The following PAX3 variants were observed in gnomAD, a reference collection of about 807,000 sequenced individuals.
PAX3 encodes the protein paired box protein Pax-3.
In PAX3, 14 loss-of-function variants were observed where a neutral mutation model predicts 51.6. The observed-to-expected ratio is 0.27, with a 90% CI of 0.18 to 0.42. PAX3 has a LOEUF of 0.42. Ranked by LOEUF, PAX3 falls within the 10% of genes least tolerant of loss-of-function variation. PAX3 has a pLI of 1.00. For synonymous variants in PAX3, 280 were observed against 253.4 expected, an observed-to-expected ratio of 1.11 and a Z score of -1.00; for missense variants, 540 against 642.8, an observed-to-expected ratio of 0.84 and a Z score of 1.73.
At chr2:222,273,145 C>T (rs1202300265) in intron 4 of PAX3, among the ~76,000 whole-genome samples, 2 of 152,188 alleles carry the variant, frequency 1.3e-5, no homozygotes, top group Admixed American at 6.5e-5. Flanking sequence ...TTACACCTTT[C>T]TTTCCTTTCT....
chr2:222,249,449 C>T (rs1165573712), intron 4 of PAX3, among the ~76,000 whole-genome samples: 1 of 152,182 alleles, frequency 6.6e-6, no homozygotes, highest in Non-Finnish European at 1.5e-5. Flanking sequence ...CTTCAACTTC[C>T]AGAGTCCTAC....
Position 222,201,206 on chromosome 2 carries a change from T to C in PAX3, c.*202A>G, listed in dbSNP as rs1204832604. The stretch of plus-strand genomic sequence containing the variant: ...TCCAGGTCTTCCTCTTCTCCACTGC[T>C]TTTGTCGAACGTGTTCAAAAGGATT... On this transcript the variant is annotated 3_prime_UTR_variant, in exon 9 of 9. Transcript: ENST00000392070. 3.7e-6 allele frequency: 6 copies of C among 1,614,102 alleles called. No individual in the cohort carries two copies. Among genetic ancestry groups the C allele is most frequent in the Non-Finnish European group, 4.2e-6 (5 of 1,180,002 alleles).
At position 222,234,506 on chromosome 2, in the gene PAX3, G is replaced by A. The variant is rs1268801928; in HGVS notation, c.587-2223C>T. On this transcript the variant is annotated intron_variant, in intron 4 of 8. Coordinates refer to ENST00000392070, the MANE Select transcript of PAX3 (RefSeq NM_181458.4). ...CTAAACTAAATGAGCAATAATTTGT[G>A]CCGAGTCATAGAACAGTGTTTCATA... is the stretch of plus-strand genomic sequence containing the variant. Among the ~76,000 whole-genome samples, 3 of 152,336 alleles carry A rather than the reference G, an allele frequency of 2.0e-5. No individual in the cohort carries two copies. In the East Asian group the frequency reaches 5.8e-4, roughly 29 times the overall value.
rs1300844222 is a variant in PAX3 at position 222,296,964 on chromosome 2, GC to G, written c.321+13del. On this transcript the variant is annotated intron_variant, in intron 2 of 8. Coordinates refer to ENST00000392070, the MANE Select transcript of PAX3 (RefSeq NM_181458.4). ...ACAGTCTGGGAGCCAGGAGGGCAAGGCCCGCCCGCTCACCTTGGGCTTGCTG... is the reference window on the plus strand; with the variant it reads ...ACAGTCTGGGAGCCAGGAGGGCAAGGCCGCCCGCTCACCTTGGGCTTGCTG... The G allele has an allele frequency of 6.2e-7, 1 of 1,603,354 alleles. No individual in the cohort carries two copies. The highest frequency in any genetic ancestry group is 1.3e-5 in the African/African-American group (1 of 74,834).
At chr2:222,264,893 A>G (rs1693988097) in intron 4 of PAX3, 1 of 152,206 alleles carries the variant, frequency 6.6e-6, no homozygotes, top group African/African-American at 2.4e-5. Flanking sequence ...ACCTTTGCCC[A>G]TGCTGTTCAC....
chr2:222,283,838 C>A (rs550825272), intron 4 of PAX3, among the ~76,000 whole-genome samples: 1 of 152,356 alleles, frequency 6.6e-6, no homozygotes, highest in African/African-American at 2.4e-5. Flanking sequence ...CCAGTGCATG[C>A]GGGGATAAGA....
chr2:222,256,171 T>A (rs1024132739), intron 4 of PAX3, among the ~76,000 whole-genome samples: 3 of 152,130 alleles, frequency 2.0e-5, no homozygotes, highest in African/African-American at 7.2e-5. Context: ...TGGGCTCCTT[T>A]CTTCCTCTGC....
intron 4 of PAX3, among the ~76,000 whole-genome samples, chr2:222,270,620 T>TAAA (rs1694219492): frequency 6.6e-6 from 1 of 152,106 alleles, no homozygotes; most frequent in African/African-American, 2.4e-5. Context: ...GGGCAGCAAA[T>TAAA]AAATGTCAGA....
At chr2:222,239,492 G>T (rs560160294) in intron 4 of PAX3, among the ~76,000 whole-genome samples, 1 of 152,014 alleles carries the variant, frequency 6.6e-6, no homozygotes, top group Non-Finnish European at 1.5e-5. Context: ...TTTTAAAATT[G>T]TATATATGTT....
Position 222,295,676 on chromosome 2 carries a change from G to GCAGGC in PAX3, c.322-24_322-20dup, listed in dbSNP as rs1325115156. 6.2e-7 allele frequency: 1 copy of GCAGGC among 1,613,740 alleles called. No homozygotes were observed. The highest frequency in any genetic ancestry group is 1.3e-5 in the African/African-American group (1 of 74,926). On this transcript the variant is annotated intron_variant, in intron 2 of 8. Transcript: ENST00000392070. ...TCACCTGCTTTAAGAGAACAGGCGG[G>GCAGGC]CAGGCGTTGGTACCCGGTACCCTGG...
intron 5 of PAX3, among the ~76,000 whole-genome samples, chr2:222,228,981 A>G (rs1692483482): frequency 6.6e-6 from 1 of 152,070 alleles, no homozygotes; most frequent in South Asian, 2.1e-4. Flanking sequence ...CAGATCTAGT[A>G]GGTGGGCTTG....
rs747035956 is a variant in PAX3, at chr2:222,295,602, G to A, written c.377C>T (p.Pro126Leu). Residue 126 changes from proline to leucine, a missense_variant, in exon 3 of 9, where the codon CCG becomes CTG. By Grantham distance (98) the Pro-to-Leu change is moderately conservative. Coordinates refer to ENST00000392070, the MANE Select transcript of PAX3 (RefSeq NM_181458.4). ...TCGGATTTCCCAGCTGAACATGCCC[G>A]GGTTCTCTCTTTTGTATTCCTCAAT... ...KKIEEYKREN[P>L]GMFSWEIRDK... The A allele has an allele frequency of 1.3e-5, 21 of 1,614,084 alleles. No homozygotes were observed. The South Asian group carries it at 1.3e-4, about 10-fold the overall frequency.
At chr2:222,262,954 T>G (rs1693920508) in intron 4 of PAX3, 1 of 151,814 alleles carries the variant, frequency 6.6e-6, no homozygotes, top group Non-Finnish European at 1.5e-5. Context: ...AACCTTGCCC[T>G]AAACCTAACA....
intron 7 of PAX3, among the ~76,000 whole-genome samples, chr2:222,206,072 A>AT (rs1356631818): frequency 2.0e-5 from 3 of 151,984 alleles, no homozygotes; most frequent in South Asian, 4.2e-4. Context: ...TGTAAAGTGG[A>AT]TTTTTTTGCC....
In PAX3 at chr2:222,294,304, G is replaced by C. The variant is rs767501594; in HGVS notation, c.452-3C>G. ...CAGGATGCGGCTGATGGAACTCACT[G>C]GGGGCGGGAGGAGGAAGGAAGCAAG... On this transcript the variant is annotated splice_polypyrimidine_tract_variant and splice_region_variant and intron_variant, in intron 3 of 8. Coordinates refer to ENST00000392070, the MANE Select transcript of PAX3 (RefSeq NM_181458.4). 1.9e-6 allele frequency: 3 copies of C among 1,614,012 alleles called. No homozygotes were observed. The highest frequency in any genetic ancestry group is 2.7e-5 in the African/African-American group (2 of 74,916).
intron 4 of PAX3, among the ~76,000 whole-genome samples, chr2:222,292,252 C>T (rs1261414833): frequency 1.3e-5 from 2 of 152,052 alleles, no homozygotes; most frequent in African/African-American, 4.8e-5. Context: ...CTATTCTCAG[C>T]CTTTTGTGGT....
rs779881016 is a variant in PAX3 at position 222,298,492 on chromosome 2, G to A, written c.85+39C>T. ...GATGGGGTGAGGCAGCCGGTCCCAG[G>A]CCCTGGGATCCAGGCGGCGCGCTGA... On this transcript the variant is annotated intron_variant, in intron 1 of 8. Transcript: ENST00000392070. The A allele has an allele frequency of 3.9e-5, 59 of 1,531,994 alleles. No homozygotes were observed. The Middle Eastern group carries it at 5.5e-4, about 14-fold the overall frequency. 94.9% of individuals were successfully genotyped at this position (1,531,994 alleles called of 1,614,324 possible).
Position 222,221,218 on chromosome 2 carries a change from G to C in PAX3, c.958+4C>G. ...TTCTAATCTCCTTGACTCTTCCTCG[G>C]TACCTTGTGGAATAGATGTGGGCTG... On this transcript the variant is annotated splice_donor_region_variant and intron_variant, in intron 6 of 8. Coordinates refer to ENST00000392070, the MANE Select transcript of PAX3 (RefSeq NM_181458.4). 1 of 1,613,740 alleles carries C rather than the reference G, an allele frequency of 6.2e-7. No homozygotes were observed.
intron 7 of PAX3, among the ~76,000 whole-genome samples, chr2:222,211,454 C>T (rs186224992): frequency 4.6e-5 from 7 of 152,174 alleles, no homozygotes; most frequent in Admixed American, 2.6e-4. Flanking sequence ...TTTCCTTTAC[C>T]CCCTTATCTG....
Sources: gnomAD v4.1 joint callset for allele counts (sites outside exome capture counted in the v4.1 genomes callset) on GRCh38, gnomAD v4.1.1 for gene constraint, MANE v1.5 for transcripts, NCBI Gene and HGNC (gene_info 2026-07-23, HGNC 2026-07-21) for gene names.